The following NALF1 variants were observed in gnomAD, a reference collection of about 807,000 sequenced individuals.
NALF1 encodes the protein NALCN channel auxiliary factor 1.
NALF1 carries 3 observed loss-of-function variants against 48.4 expected under a neutral mutation model. That is an observed-to-expected ratio of 0.06 (90% CI 0.03 to 0.16). The LOEUF (loss-of-function observed/expected upper bound fraction) is 0.16. Among genes scored for constraint, NALF1 ranks in the 10% least tolerant of loss-of-function variants. The pLI is 1.00. For missense variants in NALF1, 526 were observed against 571.5 expected, an observed-to-expected ratio of 0.92 and a Z score of 0.81; for synonymous variants, 262 against 245.7, an observed-to-expected ratio of 1.07 and a Z score of -0.62.
At chr13:107,369,271 G>C (rs1883207162) in intron 1 of NALF1, among the ~76,000 whole-genome samples, 1 of 152,026 alleles carries the variant, frequency 6.6e-6, no homozygotes, top group African/African-American at 2.4e-5. Flanking sequence ...AAGTATAATA[G>C]TTTTTAGTAT....
chr13:107,330,428 A>G (rs1882447648), intron 1 of NALF1, among the ~76,000 whole-genome samples: 1 of 152,200 alleles, frequency 6.6e-6, no homozygotes, highest in Non-Finnish European at 1.5e-5. Context: ...ATTGTGGGGA[A>G]TCACACTCTG....
chr13:107,597,056 T>C (rs901375075), intron 1 of NALF1, among the ~76,000 whole-genome samples: 2 of 152,178 alleles, frequency 1.3e-5, no homozygotes, highest in Non-Finnish European at 2.9e-5. Context: ...GACATTTCGA[T>C]ATATTCAAAT....
chr13:107,666,567 G>C (rs1217597667), intron 1 of NALF1, among the ~76,000 whole-genome samples: 1 of 152,134 alleles, frequency 6.6e-6, no homozygotes, highest in Admixed American at 6.6e-5. Context: ...AACTGTGTAA[G>C]CTGAACCTAT....
intron 1 of NALF1, among the ~76,000 whole-genome samples, chr13:107,694,139 G>A (rs1046265518): frequency 2.6e-5 from 4 of 152,160 alleles, no homozygotes; most frequent in Non-Finnish European, 4.4e-5. Context: ...TTAGAAACAC[G>A]GATGAGGGGT....
At chr13:107,348,457 G>A (rs1882813191) in intron 1 of NALF1, among the ~76,000 whole-genome samples, 1 of 151,834 alleles carries the variant, frequency 6.6e-6, no homozygotes, top group South Asian at 2.1e-4. Context: ...TTAACTTCTG[G>A]GATACATGTG....
intron 1 of NALF1, among the ~76,000 whole-genome samples, chr13:107,720,899 A>C (rs915035650): frequency 3.3e-5 from 5 of 152,154 alleles, no homozygotes; most frequent in African/African-American, 1.2e-4. Flanking sequence ...TGGCAGGATG[A>C]TCCAGCACAT....
chr13:107,597,295 C>T (rs759550206), intron 1 of NALF1, among the ~76,000 whole-genome samples: 1 of 152,182 alleles, frequency 6.6e-6, no homozygotes, highest in Non-Finnish European at 1.5e-5. Context: ...AATGTGTACT[C>T]GCACACGTAC....
intron 1 of NALF1, among the ~76,000 whole-genome samples, chr13:107,336,394 A>T (rs9514665): frequency 0.58 from 58,302 of 100,286 alleles, 13,387 homozygotes; most frequent in Middle Eastern, 0.68. Flanking sequence ...ATAATAATAA[A>T]AAATCTAATA....
At chr13:107,209,915 G>T (rs986970445) in intron 2 of NALF1, among the ~76,000 whole-genome samples, 1 of 152,234 alleles carries the variant, frequency 6.6e-6, no homozygotes, top group East Asian at 1.9e-4. Context: ...TTAAAAAAAG[G>T]CTCTTGCTCT....
chr13:107,855,287 G>A (rs901724006), intron 1 of NALF1, among the ~76,000 whole-genome samples: 3 of 152,176 alleles, frequency 2.0e-5, no homozygotes, highest in South Asian at 2.1e-4. Context: ...CCCCCGGCCC[G>A]TGGGCTGCTG....
chr13:107,836,165 A>G (rs1159522871), intron 1 of NALF1, among the ~76,000 whole-genome samples: 1 of 151,952 alleles, frequency 6.6e-6, no homozygotes. Flanking sequence ...TAATTTTTGT[A>G]ATTTTTGTAG....
chr13:107,854,195 A>G (rs1159964848), intron 1 of NALF1, among the ~76,000 whole-genome samples: 1 of 152,244 alleles, frequency 6.6e-6, no homozygotes, highest in Non-Finnish European at 1.5e-5. Context: ...TTCATAAGTG[A>G]CTTTTAATAT....
chr13:107,284,177 A>G (rs1454272564), intron 1 of NALF1, among the ~76,000 whole-genome samples: 1 of 152,110 alleles, frequency 6.6e-6, no homozygotes, highest in Non-Finnish European at 1.5e-5. Flanking sequence ...ACTTAGATAT[A>G]CAGGGGGAAT....
chr13:107,175,119 G>A (rs1878898436), intron 2 of NALF1, among the ~76,000 whole-genome samples: 1 of 146,884 alleles, frequency 6.8e-6, no homozygotes, highest in Non-Finnish European at 1.5e-5. Flanking sequence ...TCGATCTCCT[G>A]ACCTCGTGAT....
rs533066532 is a variant in NALF1 at position 107,457,353 on chromosome 13, G to C, written c.916-246598C>G. ...AAATCCAAAATCCACAATGGTTTCA[G>C]ATTACCTATGAATGTAATATTGGCC... On this transcript the variant is annotated intron_variant, in intron 1 of 2. Coordinates refer to ENST00000375915, the MANE Select transcript of NALF1 (RefSeq NM_001080396.3). 3.3e-5 allele frequency among the ~76,000 whole-genome samples: 5 copies of C among 152,246 alleles called. No individual in the cohort carries two copies. In the South Asian group the frequency reaches 1.0e-3, roughly 32 times the overall value.
intron 1 of NALF1, among the ~76,000 whole-genome samples, chr13:107,477,027 A>G (rs188978622): frequency 6.6e-6 from 1 of 152,242 alleles, no homozygotes; most frequent in Non-Finnish European, 1.5e-5. Flanking sequence ...GCAGTCAGGG[A>G]AACTGAGTCA....
In NALF1 at chr13:107,492,534, T is replaced by G. The variant is rs1471418865; in HGVS notation, c.916-281779A>C. Among the ~76,000 whole-genome samples, 3 of 152,160 alleles carry G rather than the reference T, an allele frequency of 2.0e-5. No individual in the cohort carries two copies. The South Asian group carries it at 6.2e-4, about 31-fold the overall frequency. ...AACCCTCTCTCAGTTGATGGTCACC[T>G]CCTCAGAGAAGCCTTCCTCGCCTTA... is the stretch of plus-strand genomic sequence containing the variant. On this transcript the variant is annotated intron_variant, in intron 1 of 2. Coordinates refer to ENST00000375915, the MANE Select transcript of NALF1 (RefSeq NM_001080396.3).
rs971544954 is a variant in NALF1, at chr13:107,785,402, G to A, written c.915+80280C>T. On this transcript the variant is annotated intron_variant, in intron 1 of 2. Coordinates refer to ENST00000375915, the MANE Select transcript of NALF1 (RefSeq NM_001080396.3). ...GAAATGAATTAACAGCATTTGCCTC[G>A]ACCTGGATGAGATTGGAGACTATTA... Among the ~76,000 whole-genome samples, 189 of 152,188 alleles carry A rather than the reference G, an allele frequency of 1.2e-3. 1 individual carries two copies. Among genetic ancestry groups the A allele is most frequent in the African/African-American group, 4.4e-3 (182 of 41,524 alleles).
At chr13:107,570,920 GA>G (rs1185169420) in intron 1 of NALF1, among the ~76,000 whole-genome samples, 1 of 151,848 alleles carries the variant, frequency 6.6e-6, no homozygotes, top group African/African-American at 2.4e-5. Context: ...TGTTAGACAT[GA>G]AAAAAAGATA....
Sources: gnomAD v4.1 joint callset for allele counts (sites outside exome capture counted in the v4.1 genomes callset) on GRCh38, gnomAD v4.1.1 for gene constraint, MANE v1.5 for transcripts, NCBI Gene and HGNC (gene_info 2026-07-23, HGNC 2026-07-21) for gene names.